GALNT13: variants seen among roughly 807,000 people sequenced by gnomAD.
The protein encoded by GALNT13 is UDP-GalNAc:polypeptide N-acetylgalactosaminyltransferase 13.
A neutral mutation model predicts 64.2 loss-of-function variants in GALNT13; 28 were observed. The observed-to-expected ratio is 0.44, with a 90% CI of 0.32 to 0.60. GALNT13 has a LOEUF of 0.60. Among genes scored for constraint, GALNT13 ranks in the 20% least tolerant of loss-of-function variants. The pLI is 0.05. For synonymous variants in GALNT13, 214 were observed against 224.6 expected (o/e 0.95, Z 0.42); for missense variants, 577 against 669.8 (o/e 0.86, Z 1.53).
In GALNT13 at chr2:154,281,033, G is replaced by A. The variant is rs548716784; in HGVS notation, c.976-20376G>A. On this transcript the variant is annotated intron_variant, in intron 8 of 12. Transcript: ENST00000392825. ...GTCTTAATAATCACTTAAATATACT[G>A]AAAATACTTTCAAAGCCTCCAGGAT... Among the ~76,000 whole-genome samples the A allele has an allele frequency of 2.6e-5, 4 of 152,108 alleles. No individual in the cohort carries two copies. In the East Asian group the frequency reaches 5.8e-4, roughly 22 times the overall value.
chr2:153,311,589 G>T, the GALNT13 span, among the ~76,000 whole-genome samples: 1 of 152,178 alleles, frequency 6.6e-6, no homozygotes, highest in East Asian at 1.9e-4. Flanking sequence ...ACTGGAGGAG[G>T]ATCCACGACC....
chr2:153,136,538 C>T, the GALNT13 span, among the ~76,000 whole-genome samples: 1 of 151,856 alleles, frequency 6.6e-6, no homozygotes, highest in Non-Finnish European at 1.5e-5. Flanking sequence ...AGTACACTCA[C>T]CAGCAAGGCA....
intron 3 of GALNT13, among the ~76,000 whole-genome samples, chr2:154,033,264 A>G (rs560541816): frequency 1.3e-5 from 2 of 152,138 alleles, no homozygotes; most frequent in African/African-American, 4.8e-5. Flanking sequence ...GAGTTCAACA[A>G]ATTCTTAGAT....
the GALNT13 span, among the ~76,000 whole-genome samples, chr2:153,136,548 A>G: frequency 0.11 from 17,021 of 152,108 alleles, 1,040 homozygotes; most frequent in African/African-American, 0.14. Flanking sequence ...CCAGCAAGGC[A>G]AAGTAGAGAA....
In GALNT13 at chr2:153,944,620, T is replaced by C; in HGVS notation, c.123T>C (p.Ser41=). ...CNKCDDKKER[S]LLPALRAVIS... ...AATGTGATGACAAGAAGGAGAGATC[T>C]CTGCTGCCTGCATTGAGGGGTAAGT... Residue 41 remains serine (S), a synonymous_variant, in exon 3 of 13, where the codon TCT becomes TCC. Coordinates refer to ENST00000392825, the MANE Select transcript of GALNT13 (RefSeq NM_052917.4). The C allele has an allele frequency of 6.2e-7, 1 of 1,613,240 alleles. No individual in the cohort carries two copies. The highest frequency in any genetic ancestry group is 8.5e-7 in the Non-Finnish European group (1 of 1,179,468).
chr2:154,380,027 T>A (rs1176217378), intron 9 of GALNT13, among the ~76,000 whole-genome samples: 1 of 151,976 alleles, frequency 6.6e-6, no homozygotes, highest in Non-Finnish European at 1.5e-5. Flanking sequence ...GTCTAAAAAT[T>A]CAAAAAGTGG....
chr2:153,565,727 G>C, the GALNT13 span, among the ~76,000 whole-genome samples: 1 of 152,144 alleles, frequency 6.6e-6, no homozygotes, highest in African/African-American at 2.4e-5. Flanking sequence ...GACATTAAGT[G>C]AGGACTTACT....
chr2:153,256,724 G>T, the GALNT13 span, among the ~76,000 whole-genome samples: 1 of 152,170 alleles, frequency 6.6e-6, no homozygotes, highest in African/African-American at 2.4e-5. Flanking sequence ...TGAGGTGTCA[G>T]TCTGCCCCTG....
the GALNT13 span, among the ~76,000 whole-genome samples, chr2:153,554,479 C>T: frequency 6.6e-6 from 1 of 152,142 alleles, no homozygotes; most frequent in African/African-American, 2.4e-5. Context: ...TTGTGTCATG[C>T]AGTTTCATCT....
At chr2:153,378,867 C>G in the GALNT13 span, among the ~76,000 whole-genome samples, 2 of 152,148 alleles carry the variant, frequency 1.3e-5, no homozygotes, top group African/African-American at 4.8e-5. Context: ...AGTGCACATG[C>G]TGAAATGTCC....
At chr2:153,707,292 T>C in the GALNT13 span, among the ~76,000 whole-genome samples, 2 of 152,194 alleles carry the variant, frequency 1.3e-5, no homozygotes, top group African/African-American at 4.8e-5. Context: ...AATAGTTCCA[T>C]TGGTCAAAGG....
chr2:153,857,423 C>CA, the GALNT13 span, among the ~76,000 whole-genome samples: 10 of 150,730 alleles, frequency 6.6e-5, no homozygotes, highest in South Asian at 2.1e-4. Flanking sequence ...ACTGTAATTT[C>CA]AAAAAAAAAT....
At chr2:153,580,148 T>C in the GALNT13 span, among the ~76,000 whole-genome samples, 2 of 152,140 alleles carry the variant, frequency 1.3e-5, no homozygotes, top group Non-Finnish European at 2.9e-5. Flanking sequence ...CAAAGTGTCA[T>C]AGTTACGCAA....
the GALNT13 span, among the ~76,000 whole-genome samples, chr2:153,362,662 G>T: frequency 6.6e-6 from 1 of 151,230 alleles, no homozygotes; most frequent in Admixed American, 6.6e-5. Context: ...TAATGGTAAA[G>T]GAATCAATTC....
chr2:153,331,457 A>G, the GALNT13 span, among the ~76,000 whole-genome samples: 2 of 151,970 alleles, frequency 1.3e-5, no homozygotes, highest in Non-Finnish European at 2.9e-5. Flanking sequence ...ATAAAGTATT[A>G]ACTTACATGA....
At chr2:153,313,529 A>C in the GALNT13 span, among the ~76,000 whole-genome samples, 4 of 151,792 alleles carry the variant, frequency 2.6e-5, no homozygotes, top group Admixed American at 2.6e-4. Flanking sequence ...GGAACAAGAG[A>C]CACTGGGGCC....
At chr2:153,941,796 A>G (rs553662883) in intron 2 of GALNT13, among the ~76,000 whole-genome samples, 1 of 152,218 alleles carries the variant, frequency 6.6e-6, no homozygotes, top group African/African-American at 2.4e-5. Context: ...AATATAGGTA[A>G]ATTTCCAAAT....
the GALNT13 span, among the ~76,000 whole-genome samples, chr2:153,197,837 T>G: frequency 6.6e-6 from 1 of 152,180 alleles, no homozygotes; most frequent in South Asian, 2.1e-4. Flanking sequence ...TGAGGGCACT[T>G]GCAAGTGTGC....
chr2:154,258,339 T>A (rs537238460), intron 7 of GALNT13, among the ~76,000 whole-genome samples: 2 of 152,224 alleles, frequency 1.3e-5, no homozygotes, highest in East Asian at 3.9e-4. Flanking sequence ...GAAAAAAGTT[T>A]TAGAATCCCT....
Sources: allele counts gnomAD v4.1 joint callset (sites outside exome capture counted in the v4.1 genomes callset), GRCh38; gene constraint gnomAD v4.1.1; transcripts MANE v1.5; gene names NCBI Gene and HGNC (gene_info 2026-07-23, HGNC 2026-07-21).